RPS6KC1: variants seen among roughly 807,000 people sequenced by gnomAD.
RPS6KC1 encodes ribosomal protein S6 kinase C1.
A neutral mutation model predicts 103.8 loss-of-function variants in RPS6KC1; 54 were observed. That is an observed-to-expected ratio of 0.52 (90% CI 0.42 to 0.65). RPS6KC1 has a LOEUF of 0.65. RPS6KC1 is among the 30% of genes least tolerant of loss of function. RPS6KC1 has a pLI of 0.00. For missense variants in RPS6KC1, 1,151 were observed against 1,253.8 expected, an observed-to-expected ratio of 0.92 and a Z score of 1.24; for synonymous variants, 439 against 438.7, an observed-to-expected ratio of 1.00 and a Z score of -0.01.
chr1:213,549,067 C>G, the RPS6KC1 span, among the ~76,000 whole-genome samples: 1 of 152,192 alleles, frequency 6.6e-6, no homozygotes, highest in Non-Finnish European at 1.5e-5. Flanking sequence ...CTTCTGGTGG[C>G]TCCATTTCCC....
the RPS6KC1 span, among the ~76,000 whole-genome samples, chr1:213,348,510 TG>T: frequency 6.6e-6 from 1 of 152,300 alleles, no homozygotes; most frequent in Middle Eastern, 3.4e-3. Context: ...TCTATCATCT[TG>T]AGGATGACAC....
chr1:213,339,469 A>G, the RPS6KC1 span, among the ~76,000 whole-genome samples: 2 of 152,160 alleles, frequency 1.3e-5, no homozygotes, highest in African/African-American at 4.8e-5. Context: ...GGAGCTAAAT[A>G]GTGTAGCGTT....
chr1:213,143,669 C>T (rs1013400620), intron 6 of RPS6KC1, among the ~76,000 whole-genome samples: 2 of 151,776 alleles, frequency 1.3e-5, no homozygotes, highest in South Asian at 2.1e-4. Flanking sequence ...GTTTTGTTTT[C>T]GTTTTTAAAT....
the RPS6KC1 span, chr1:213,843,366 C>T: frequency 6.6e-6 from 1 of 152,176 alleles, no homozygotes; most frequent in Admixed American, 6.6e-5. Flanking sequence ...AAAACTCCAA[C>T]TGAAGGTGGT....
At chr1:213,253,148 T>C (rs1253433703) in intron 12 of RPS6KC1, among the ~76,000 whole-genome samples, 1 of 152,156 alleles carries the variant, frequency 6.6e-6, no homozygotes, top group Non-Finnish European at 1.5e-5. Context: ...CTGCTGTATC[T>C]TGGGGAGAGA....
intron 4 of RPS6KC1, among the ~76,000 whole-genome samples, chr1:213,105,055 G>A (rs1227455511): frequency 1.3e-5 from 2 of 151,948 alleles, no homozygotes; most frequent in South Asian, 4.1e-4. Context: ...ATAAGCCACT[G>A]TAAGTCTATA....
At chr1:213,307,837 C>T in the RPS6KC1 span, among the ~76,000 whole-genome samples, 2 of 152,164 alleles carry the variant, frequency 1.3e-5, no homozygotes, top group Non-Finnish European at 2.9e-5. Context: ...TTTCTGGTCT[C>T]CTGTCTTTCT....
At chr1:213,487,462 T>C in the RPS6KC1 span, among the ~76,000 whole-genome samples, 1 of 151,590 alleles carries the variant, frequency 6.6e-6, no homozygotes, top group African/African-American at 2.4e-5. Context: ...TTTTGTTGCC[T>C]TCCAATCCAT....
Position 213,159,772 on chromosome 1 carries a change from C to T in RPS6KC1, c.836-8086C>T, listed in dbSNP as rs190270164. Among the ~76,000 whole-genome samples the T allele has an allele frequency of 2.3e-3, 348 of 152,212 alleles. 1 individual carries two copies. The highest frequency in any genetic ancestry group is 3.0e-3 in the Non-Finnish European group (205 of 67,992). ...GATTCTCGAAGTGTTTTTTATTAGT[C>T]GATCTCTCATCAGTATCACCACATT... On this transcript the variant is annotated intron_variant, in intron 6 of 14. Coordinates refer to ENST00000366960, the MANE Select transcript of RPS6KC1 (RefSeq NM_012424.6).
At chr1:213,075,101 T>C (rs1474909580) in intron 2 of RPS6KC1, among the ~76,000 whole-genome samples, 1 of 152,050 alleles carries the variant, frequency 6.6e-6, no homozygotes, top group Admixed American at 6.6e-5. Flanking sequence ...TCCGCCCGCC[T>C]TGGCCTCCCA....
chr1:213,631,493 T>A, the RPS6KC1 span, among the ~76,000 whole-genome samples: 2 of 152,184 alleles, frequency 1.3e-5, no homozygotes, highest in Non-Finnish European at 2.9e-5. Context: ...ATGTTTACAA[T>A]TTTTTGTGAT....
the RPS6KC1 span, among the ~76,000 whole-genome samples, chr1:213,363,057 C>G: frequency 1.3e-5 from 2 of 152,186 alleles, no homozygotes; most frequent in African/African-American, 4.8e-5. Context: ...TAATATATGG[C>G]TCCATAGCAT....
the RPS6KC1 span, among the ~76,000 whole-genome samples, chr1:213,517,101 A>G: frequency 2.1e-4 from 32 of 151,934 alleles, no homozygotes; most frequent in African/African-American, 5.8e-4. Context: ...TATTGCATCT[A>G]TTTGATTCTT....
At chr1:213,602,144 T>C in the RPS6KC1 span, among the ~76,000 whole-genome samples, 4 of 85,736 alleles carry the variant, frequency 4.7e-5, no homozygotes, top group Admixed American at 1.3e-4. Flanking sequence ...CTTTCTTTCT[T>C]TCTTTCTTTC....
the RPS6KC1 span, among the ~76,000 whole-genome samples, chr1:213,661,117 ACCCCAGAGCTTAAGCTGC>A: frequency 6.6e-6 from 1 of 152,072 alleles, no homozygotes; most frequent in Non-Finnish European, 1.5e-5. Context: ...CAGCCTTCAG[ACCCCAGAGCTTAAGCTGC>A]CCCCTTTTTT....
the RPS6KC1 span, among the ~76,000 whole-genome samples, chr1:213,734,415 T>A: frequency 1.3e-5 from 2 of 150,126 alleles, no homozygotes. Context: ...ATTCTTAGCT[T>A]TTACTAATAT....
chr1:213,364,220 G>A, the RPS6KC1 span, among the ~76,000 whole-genome samples: 1 of 152,170 alleles, frequency 6.6e-6, no homozygotes. Context: ...GGATTTGGAC[G>A]ATGGGCCATC....
the RPS6KC1 span, among the ~76,000 whole-genome samples, chr1:213,424,596 C>G: frequency 4.7e-4 from 71 of 152,222 alleles, no homozygotes; most frequent in African/African-American, 1.6e-3. Context: ...TGGGTTTGAG[C>G]GTTAGTGCCC....
the RPS6KC1 span, among the ~76,000 whole-genome samples, chr1:213,645,934 A>G: frequency 6.6e-6 from 1 of 152,226 alleles, no homozygotes; most frequent in Non-Finnish European, 1.5e-5. Context: ...TCTGGGTCTG[A>G]AATTGTCATA....
Sources: gnomAD v4.1 joint callset for allele counts (sites outside exome capture counted in the v4.1 genomes callset) on GRCh38, gnomAD v4.1.1 for gene constraint, MANE v1.5 for transcripts, NCBI Gene and HGNC (gene_info 2026-07-23, HGNC 2026-07-21) for gene names.